Variants in ULK4 observed in about 807,000 individuals in gnomAD.
ULK4 encodes inactive serine/threonine-protein kinase ULK4.
ULK4 carries 133 observed loss-of-function variants against 160.6 expected under a neutral mutation model. The ratio of observed to expected loss-of-function variants is 0.83; its 90% CI spans 0.72 to 0.96. ULK4 has a LOEUF of 0.96. ULK4 is among the 40% of genes least tolerant of loss of function. The pLI is 0.00. For synonymous variants in ULK4, 534 were observed against 539.8 expected, an observed-to-expected ratio of 0.99 and a Z score of 0.15; for missense variants, 1,580 against 1,499.5, an observed-to-expected ratio of 1.05 and a Z score of -0.89.
intron 17 of ULK4, among the ~76,000 whole-genome samples, chr3:41,837,801 T>A (rs111575409): frequency 0.13 from 20,116 of 152,108 alleles, 4,338 homozygotes; most frequent in African/African-American, 0.45. Context: ...CTTCAAGTGA[T>A]CCACCCACCT....
At chr3:41,692,222 A>G (rs1366887567) in intron 27 of ULK4, among the ~76,000 whole-genome samples, 1 of 151,856 alleles carries the variant, frequency 6.6e-6, no homozygotes, top group East Asian at 1.9e-4. Context: ...AAGTGCTGGG[A>G]TTACAGGCGT....
At chr3:41,875,753 TATAA>T (rs1216777481) in intron 17 of ULK4, among the ~76,000 whole-genome samples, 3 of 129,348 alleles carry the variant, frequency 2.3e-5, no homozygotes, top group African/African-American at 1.3e-4. Context: ...TTATAATCTA[TATAA>T]GTTTTAATAT....
chr3:41,552,080 C>G (rs10865909), intron 32 of ULK4, among the ~76,000 whole-genome samples: 1 of 151,742 alleles, frequency 6.6e-6, no homozygotes, highest in Non-Finnish European at 1.5e-5. Flanking sequence ...TAAAAACTCT[C>G]AACAAACTAG....
chr3:41,903,989 CT>C (rs920016661), intron 12 of ULK4, among the ~76,000 whole-genome samples: 2 of 65,818 alleles, frequency 3.0e-5, no homozygotes, highest in Non-Finnish European at 7.2e-5. Flanking sequence ...GCAAAAGGCT[CT>C]TAAAAAAAAA....
intron 17 of ULK4, among the ~76,000 whole-genome samples, chr3:41,837,831 G>A (rs963615961): frequency 6.6e-6 from 1 of 152,170 alleles, no homozygotes; most frequent in African/African-American, 2.4e-5. Flanking sequence ...AAAGTGCTGG[G>A]ATTACAGGTA....
At chr3:41,521,221 T>C (rs927853179) in intron 32 of ULK4, among the ~76,000 whole-genome samples, 2 of 152,152 alleles carry the variant, frequency 1.3e-5, no homozygotes, top group Non-Finnish European at 2.9e-5. Flanking sequence ...TTCTTTTTCC[T>C]ACCAGCTAGC....
intron 35 of ULK4, among the ~76,000 whole-genome samples, chr3:41,317,633 C>G (rs1156994506): frequency 6.6e-6 from 1 of 152,148 alleles, no homozygotes; most frequent in African/African-American, 2.4e-5. Context: ...CAAAATGCAA[C>G]AATCATTTTT....
rs2081346529 is a variant in ULK4, at chr3:41,370,672, G to A, written c.3678+27407C>T. Among the ~76,000 whole-genome samples the A allele has an allele frequency of 3.9e-5, 6 of 152,340 alleles. No homozygotes were observed. In the South Asian group the frequency reaches 1.2e-3, roughly 32 times the overall value. On this transcript the variant is annotated intron_variant, in intron 35 of 36. Coordinates refer to ENST00000301831, the MANE Select transcript of ULK4 (RefSeq NM_017886.4). ...ATGGTCTTTGCAACTTGCAGACCAG[G>A]AAATTCCCGCAGGTGCCTACACCAC...
intron 7 of ULK4, among the ~76,000 whole-genome samples, chr3:41,916,925 C>T (rs1022033038): frequency 2.0e-5 from 3 of 151,996 alleles, no homozygotes; most frequent in Non-Finnish European, 2.9e-5. Flanking sequence ...TCAGGCTGGT[C>T]GTGAACTCTT....
intron 34 of ULK4, 99 bp from the exon 35 acceptor site, chr3:41,398,363 G>A (rs920664631): frequency 1.2e-4 from 144 of 1,186,144 alleles, no homozygotes; most frequent in Non-Finnish European, 1.7e-4. Flanking sequence ...GTGTCAGCCT[G>A]AGTAGTCTGC....
intron 19 of ULK4, among the ~76,000 whole-genome samples, chr3:41,814,919 T>C (rs2040920532): frequency 1.3e-5 from 2 of 150,128 alleles, no homozygotes. Context: ...TTTTTTTTTT[T>C]TTTTTTTGAG....
chr3:41,847,129 G>A (rs377386611), intron 17 of ULK4, among the ~76,000 whole-genome samples: 2 of 152,180 alleles, frequency 1.3e-5, no homozygotes, highest in African/African-American at 4.8e-5. Flanking sequence ...ACTGGGTGGA[G>A]CCAGGCCTTT....
chr3:41,269,575 T>G (rs1209024605), intron 35 of ULK4, among the ~76,000 whole-genome samples: 2 of 152,308 alleles, frequency 1.3e-5, no homozygotes, highest in East Asian at 3.9e-4. Context: ...CTTTGGTTCA[T>G]GATAATGAAA....
intron 35 of ULK4, among the ~76,000 whole-genome samples, chr3:41,395,437 T>C (rs547362402): frequency 6.6e-6 from 1 of 152,258 alleles, no homozygotes; most frequent in African/African-American, 2.4e-5. Context: ...AATGGATTAT[T>C]AGCCCTAAAA....
intron 35 of ULK4, among the ~76,000 whole-genome samples, chr3:41,380,050 A>T (rs868576895): frequency 5.3e-5 from 8 of 152,296 alleles, no homozygotes; most frequent in South Asian, 4.1e-4. Flanking sequence ...AAAATCTTGC[A>T]CAAGATGTGA....
chr3:41,539,910 T>G (rs76994971), intron 32 of ULK4, among the ~76,000 whole-genome samples: 3,124 of 152,120 alleles, frequency 0.021, 114 homozygotes, highest in African/African-American at 0.072. Context: ...TCATCCACTA[T>G]CTCAGCCAGT....
chr3:41,378,895 G>C (rs1232404515), intron 35 of ULK4, among the ~76,000 whole-genome samples: 2 of 152,048 alleles, frequency 1.3e-5, no homozygotes, highest in African/African-American at 4.8e-5. Flanking sequence ...ATGAGTTCAA[G>C]TCCTTTGTGG....
intron 35 of ULK4, among the ~76,000 whole-genome samples, chr3:41,377,272 T>C (rs1008994178): frequency 2.0e-5 from 3 of 152,158 alleles, no homozygotes; most frequent in African/African-American, 7.2e-5. Context: ...ATAAAAACCC[T>C]AGAAGAAAAC....
intron 32 of ULK4, among the ~76,000 whole-genome samples, chr3:41,513,123 C>A (rs1279363633): frequency 6.6e-6 from 1 of 152,148 alleles, no homozygotes; most frequent in Non-Finnish European, 1.5e-5. Flanking sequence ...GAAATCTCAT[C>A]TCTCACCTTA....
Sources: allele counts gnomAD v4.1 joint callset (sites outside exome capture counted in the v4.1 genomes callset), GRCh38; gene constraint gnomAD v4.1.1; transcripts MANE v1.5; gene names NCBI Gene and HGNC (gene_info 2026-07-23, HGNC 2026-07-21).